The following EIPR1 variants were observed in gnomAD, a reference collection of about 807,000 sequenced individuals.
The protein encoded by EIPR1 is EARP and GARP complex-interacting protein 1.
Under a neutral mutation model 48.1 loss-of-function variants are expected in EIPR1, and 25 were observed. The observed-to-expected ratio is 0.52, with a 90% CI of 0.38 to 0.73. The LOEUF (loss-of-function observed/expected upper bound fraction) is 0.73, where lower values mean the gene tolerates loss of function less well. Among genes scored for constraint, EIPR1 ranks in the 30% least tolerant of loss-of-function variants. The probability of loss-of-function intolerance (pLI) is 0.00; values close to 1 mark genes in which losing one functional copy is unlikely to be tolerated. For missense variants in EIPR1, 415 were observed against 506.2 expected, an observed-to-expected ratio of 0.82 and a Z score of 1.73; for synonymous variants, 204 against 201.9, an observed-to-expected ratio of 1.01 and a Z score of -0.09.
chr2:3,214,235 G>T lies in EIPR1; in HGVS notation c.430C>A (p.Pro144Thr). The change falls in exon 5 of 9, where the codon CCA (proline) becomes ACA (threonine). Residue 144 changes from proline to threonine, a missense_variant. Coordinates refer to ENST00000382125, the MANE Select transcript of EIPR1 (RefSeq NM_003310.5). Reference protein sequence around the residue: ...HGNMACVVWEPMGDGKKIISL... With the variant: ...HGNMACVVWETMGDGKKIISL... ...ATGATTTTCTTCCCATCTCCCATTG[G>T]CTCCCACACGACACTAAGAGAAAGA... is the stretch of plus-strand genomic sequence containing the variant. The T allele has an allele frequency of 1.9e-6, 3 of 1,613,244 alleles. No individual in the cohort carries two copies. Among genetic ancestry groups the T allele is most frequent in the Non-Finnish European group, 2.5e-6 (3 of 1,179,622 alleles).
chr2:3,320,389 G>A (rs757482468), intron 3 of EIPR1: 36 of 162,958 alleles, frequency 2.2e-4, no homozygotes, highest in Non-Finnish European at 3.7e-4. Context: ...CCACACCTGC[G>A]GACAACACTG....
intron 1 of EIPR1, among the ~76,000 whole-genome samples, chr2:3,355,707 C>T (rs1354993342): frequency 6.6e-6 from 1 of 151,912 alleles, no homozygotes; most frequent in African/African-American, 2.4e-5. Flanking sequence ...CTTAGCTGCT[C>T]AAGAGGCTGG....
chr2:3,302,397 T>C (rs1030529856), intron 3 of EIPR1, among the ~76,000 whole-genome samples: 1 of 152,208 alleles, frequency 6.6e-6, no homozygotes, highest in African/African-American at 2.4e-5. Context: ...AGTGGCAAAC[T>C]GCGGTTTCAA....
At chr2:3,333,433 C>T (rs905558447) in intron 3 of EIPR1, among the ~76,000 whole-genome samples, 79 of 152,240 alleles carry the variant, frequency 5.2e-4, no homozygotes, top group African/African-American at 1.9e-3. Flanking sequence ...TCCTTTCCTC[C>T]CCATAAGATA....
intron 4 of EIPR1, among the ~76,000 whole-genome samples, chr2:3,245,557 G>C (rs1275329852): frequency 6.6e-6 from 1 of 152,160 alleles, no homozygotes; most frequent in African/African-American, 2.4e-5. Context: ...CTTGAAAGAA[G>C]ACATTTTTCT....
chr2:3,275,977 C>T (rs139150765), intron 3 of EIPR1, among the ~76,000 whole-genome samples: 9 of 152,236 alleles, frequency 5.9e-5, no homozygotes, highest in East Asian at 5.8e-4. Context: ...GACTCAAAGT[C>T]GACTGTATTT....
At position 3,368,925 on chromosome 2, in the gene EIPR1, C is replaced by T. The variant is rs73135171; in HGVS notation, c.42+8723G>A. ...TCTTTTATTTGCAGTTGCAGTACTG[C>T]CCTTTATCTTTCAAGTGTCATTACC... On this transcript the variant is annotated intron_variant, in intron 1 of 8. Coordinates refer to ENST00000382125, the MANE Select transcript of EIPR1 (RefSeq NM_003310.5). Among the ~76,000 whole-genome samples the T allele has an allele frequency of 7.0e-3, 1,065 of 152,258 alleles. 17 individuals carry two copies. The highest frequency in any genetic ancestry group is 0.025 in the African/African-American group (1,018 of 41,540).
chr2:3,362,629 G>A, intron 1 of EIPR1, among the ~76,000 whole-genome samples: 1 of 146,330 alleles, frequency 6.8e-6, no homozygotes. Flanking sequence ...CAGCCTGGGT[G>A]ACAGAGCGAG....
intron 3 of EIPR1, among the ~76,000 whole-genome samples, chr2:3,335,908 C>T (rs1312089782): frequency 1.3e-5 from 2 of 152,178 alleles, no homozygotes; most frequent in East Asian, 3.9e-4. Context: ...CATAAATTAC[C>T]CAGTCCCAGG....
intron 6 of EIPR1, among the ~76,000 whole-genome samples, chr2:3,194,614 T>TTATA (rs964056880): frequency 1.3e-5 from 2 of 151,660 alleles, no homozygotes; most frequent in East Asian, 3.9e-4. Flanking sequence ...TTGGGAAATT[T>TTATA]TATATATATA....
chr2:3,228,645 T>G (rs942085361), intron 4 of EIPR1, among the ~76,000 whole-genome samples: 9 of 152,178 alleles, frequency 5.9e-5, no homozygotes, highest in Admixed American at 4.6e-4. Flanking sequence ...CACCCAAATT[T>G]CATCCTGGAT....
At position 3,235,445 on chromosome 2, in the gene EIPR1, C is replaced by A. The variant is rs578157980; in HGVS notation, c.417-21197G>T. Among the ~76,000 whole-genome samples, 12 of 27,432 alleles carry A rather than the reference C, an allele frequency of 4.4e-4. No individual in the cohort carries two copies. The South Asian group carries it at 0.015, about 33-fold the overall frequency. The allele number at this position is 27,432 out of a possible 152,430, so 18.0% of individuals were successfully genotyped here. A position where few individuals can be genotyped will look rare whatever the true frequency, so the allele number is the denominator to read the frequency against. On this transcript the variant is annotated intron_variant, in intron 4 of 8. Transcript: ENST00000382125. Reference sequence around the variant, plus strand: ...GCGCACACACACACACACACGCGTGCGCGCACACACACACACACCCCCCAA... The same window carrying A: ...GCGCACACACACACACACACGCGTGAGCGCACACACACACACACCCCCCAA...
At chr2:3,293,515 A>AC in intron 3 of EIPR1, among the ~76,000 whole-genome samples, 1 of 152,314 alleles carries the variant, frequency 6.6e-6, no homozygotes, top group South Asian at 2.1e-4. Context: ...TTAGGCTGCA[A>AC]AACAGCACAC....
intron 5 of EIPR1, among the ~76,000 whole-genome samples, chr2:3,212,096 C>T (rs1351102568): frequency 1.3e-5 from 2 of 152,222 alleles, no homozygotes; most frequent in African/African-American, 2.4e-5. Context: ...TGGCTTGAAT[C>T]GATAGGAGGT....
chr2:3,372,647 C>G (rs1309460929), intron 1 of EIPR1, among the ~76,000 whole-genome samples: 5 of 152,146 alleles, frequency 3.3e-5, no homozygotes, highest in Admixed American at 3.3e-4. Context: ...GGATAAATTC[C>G]TCAACACATA....
chr2:3,259,522 G>A (rs1010418804), intron 3 of EIPR1, among the ~76,000 whole-genome samples: 2 of 152,112 alleles, frequency 1.3e-5, no homozygotes, highest in Non-Finnish European at 2.9e-5. Context: ...AAGTTTCCAC[G>A]TATCCGGTTC....
At chr2:3,352,313 G>A (rs1300223775) in intron 2 of EIPR1, among the ~76,000 whole-genome samples, 24 of 79,414 alleles carry the variant, frequency 3.0e-4, no homozygotes, top group African/African-American at 9.9e-4. Flanking sequence ...TGTCTGTTCC[G>A]GACACCTTTG....
intron 4 of EIPR1, among the ~76,000 whole-genome samples, chr2:3,253,655 G>A (rs993548721): frequency 1.3e-5 from 2 of 152,220 alleles, no homozygotes; most frequent in Non-Finnish European, 2.9e-5. Flanking sequence ...CCTGGCTCTG[G>A]AGCATGTCTG....
intron 1 of EIPR1, among the ~76,000 whole-genome samples, chr2:3,371,476 T>A (rs1307986644): frequency 6.6e-6 from 1 of 152,096 alleles, no homozygotes; most frequent in Non-Finnish European, 1.5e-5. Context: ...TGTGCTGTAT[T>A]CAGGAAGCCC....
Sources: allele counts gnomAD v4.1 joint callset (sites outside exome capture counted in the v4.1 genomes callset), GRCh38; gene constraint gnomAD v4.1.1; transcripts MANE v1.5; gene names NCBI Gene and HGNC (gene_info 2026-07-23, HGNC 2026-07-21).